Variants in ADGRL1 observed in about 807,000 individuals in gnomAD.
The protein encoded by ADGRL1 is adhesion G protein-coupled receptor L1.
A neutral mutation model predicts 148.9 loss-of-function variants in ADGRL1; 31 were observed. That is an observed-to-expected ratio of 0.21 (90% confidence interval 0.16 to 0.28). The LOEUF is 0.28. ADGRL1 is among the 10% of genes least tolerant of loss of function. The pLI, the probability that ADGRL1 is intolerant of heterozygous loss-of-function variation, is 1.00. For missense variants in ADGRL1, 1,521 were observed against 2,058.8 expected (o/e 0.74, Z 5.05); for synonymous variants, 937 against 900.3 (o/e 1.04, Z -0.73).
At chr19:14,168,433 C>T (rs183595218) in intron 4 of ADGRL1, among the ~76,000 whole-genome samples, 47 of 152,172 alleles carry the variant, frequency 3.1e-4, no homozygotes, top group Admixed American at 8.5e-4. Flanking sequence ...CACATGTCTG[C>T]GCGTGTGTGT....
rs1321704083 is a variant in ADGRL1, at chr19:14,163,302, C to T, written c.499G>A (p.Asp167Asn). Reference protein sequence around the residue: ...AWCKDPLQAGDRIYVMPWIPY... With the variant: ...AWCKDPLQAGNRIYVMPWIPY... The stretch of plus-strand genomic sequence containing the variant: ...ATCCAGGGCATCACGTAGATGCGGT[C>T]ACCCGCCTGCAGCGGGTCCTTGCAC... Residue 167 changes from aspartate (D) to asparagine (N), a missense_variant, in exon 5 of 23, where the codon GAC (aspartate) becomes AAC (asparagine). Asp to Asn is a conservative substitution (Grantham distance 23). Around this residue, in one of 8 missense-constraint regions of ADGRL1, gnomAD observed 334 missense variants for 512.5 expected, o/e 0.65. Transcript: ENST00000361434. 8 of 1,613,284 alleles carry T rather than the reference C, an allele frequency of 5.0e-6. No homozygotes were observed. The highest frequency in any genetic ancestry group is 6.8e-6 in the Non-Finnish European group (8 of 1,179,898).
intron 4 of ADGRL1, among the ~76,000 whole-genome samples, chr19:14,166,209 G>A (rs1047912373): frequency 6.6e-6 from 1 of 150,690 alleles, no homozygotes; most frequent in Admixed American, 6.6e-5. Context: ...CCCACCCTTC[G>A]CTCCCCCAAC....
intron 15 of ADGRL1, 58 bp from the exon 16 acceptor site, chr19:14,156,782 TCATGAAGGCC>T: frequency 6.4e-7 from 1 of 1,554,850 alleles, no homozygotes; most frequent in Non-Finnish European, 8.8e-7. Context: ...TCCCAGCGAC[TCATGAAGGCC>T]TAGGACTCTG....
rs1968923107 is a variant in ADGRL1 at position 14,157,789 on chromosome 19, C to A, written c.2535+93G>T. On this transcript the variant is annotated intron_variant, in intron 13 of 22. Coordinates refer to ENST00000361434, the MANE Select transcript of ADGRL1 (RefSeq NM_014921.5). The surrounding 1 kb of genome is among the most constrained non-coding windows in gnomAD (Gnocchi z 7.5). ...CCCCCCACACCCATGGGGCTAGCCT[C>A]CCCTGGTACTGCCCGTGATCTCTCT... 4 of 1,468,912 alleles carry A rather than the reference C, an allele frequency of 2.7e-6. No homozygotes were observed. Among genetic ancestry groups the A allele is most frequent in the Non-Finnish European group, 3.7e-6 (4 of 1,089,420 alleles). The allele number at this position is 1,468,912 out of a possible 1,614,324, so 91.0% of individuals were successfully genotyped here. A position where few individuals can be genotyped will look rare whatever the true frequency, so the allele number is the denominator to read the frequency against.
In ADGRL1 at chr19:14,152,927, ACAGTCAGCTGGCTGG is replaced by A; in HGVS notation, c.3295-30_3295-16del. The A allele has an allele frequency of 2.5e-6, 4 of 1,613,018 alleles. No individual in the cohort carries two copies. Among genetic ancestry groups the A allele is most frequent in the Non-Finnish European group, 3.4e-6 (4 of 1,179,576 alleles). On this transcript the variant is annotated splice_polypyrimidine_tract_variant and intron_variant, in intron 18 of 22. Coordinates refer to ENST00000361434, the MANE Select transcript of ADGRL1 (RefSeq NM_014921.5). The surrounding 1 kb of genome is among the most constrained non-coding windows in gnomAD (Gnocchi z 6.1). ...TCCTTGTGCACCTGGGAGGTGGAGG[ACAGTCAGCTGGCTGG>A]GACACTGGCCTCCTCTGTGATCCAG...
intron 1 of ADGRL1, among the ~76,000 whole-genome samples, chr19:14,201,729 T>C (rs1972626186): frequency 1.3e-5 from 2 of 152,152 alleles, no homozygotes; most frequent in Non-Finnish European, 1.5e-5. Flanking sequence ...GTAAGACTTC[T>C]TGAACGCACA....
intron 1 of ADGRL1, among the ~76,000 whole-genome samples, chr19:14,185,627 G>A (rs1331414675): frequency 2.6e-5 from 4 of 152,140 alleles, no homozygotes; most frequent in Non-Finnish European, 4.4e-5. Context: ...GCCCTGAAGC[G>A]TGGGAACCCC....
chr19:14,200,007 T>A (rs978824412), intron 1 of ADGRL1, among the ~76,000 whole-genome samples: 1 of 152,158 alleles, frequency 6.6e-6, no homozygotes, highest in Non-Finnish European at 1.5e-5. Flanking sequence ...GTGCTGGGAT[T>A]ACAGGCATGA....
In ADGRL1 at chr19:14,162,764, T is replaced by G. The variant is rs772817943; in HGVS notation, c.1037A>C (p.Asn346Thr). The G allele has an allele frequency of 2.5e-6, 4 of 1,613,944 alleles. No homozygotes were observed. Among genetic ancestry groups the G allele is most frequent in the Non-Finnish European group, 3.4e-6 (4 of 1,180,018 alleles). ...GCTGACAGGCTCCTCGCGGTTGGCA[T>G]TGGTGTTGAAGGCATAGTCCACGCG... ...GNRVDYAFNT[N>T]ANREEPVSLT... is the part of the protein sequence containing the mutation. Residue 346 changes from asparagine (N) to threonine (T), a missense_variant, in exon 5 of 23, where the codon AAT becomes ACT. Coordinates refer to ENST00000361434, the MANE Select transcript of ADGRL1 (RefSeq NM_014921.5). This position sits in a 1 kb window ranked among gnomAD's most constrained non-coding sequence, Gnocchi z 5.4.
intron 1 of ADGRL1, among the ~76,000 whole-genome samples, chr19:14,195,379 G>C (rs1396586572): frequency 3.3e-5 from 5 of 151,744 alleles, no homozygotes; most frequent in African/African-American, 1.2e-4. Context: ...GGCTGCTGGG[G>C]GAGAGGGGGC....
Position 14,151,536 on chromosome 19 carries a change from C to A in ADGRL1, c.3747G>T (p.Leu1249Phe), listed in dbSNP as rs774538452. Residue 1249 changes from leucine to phenylalanine, a missense_variant, in exon 23 of 23, where the codon TTG (leucine) becomes TTT (phenylalanine). This residue lies in a region of ADGRL1 where 390 missense variants were observed against 375.0 expected (regional missense o/e 1.04). Coordinates refer to ENST00000361434, the MANE Select transcript of ADGRL1 (RefSeq NM_014921.5). ...CCCCGGGAGGGAAATCCCCACTTCG[C>A]AAGGAGTAACTGTTATTGAAGTTGC... ...LNGNFNNSYSLRSGDFPPGDG... is the reference protein window; with the variant it reads ...LNGNFNNSYSFRSGDFPPGDG... 2 of 1,611,446 alleles carry A rather than the reference C, an allele frequency of 1.2e-6. No individual in the cohort carries two copies. Among genetic ancestry groups the A allele is most frequent in the East Asian group, 2.2e-5 (1 of 44,872 alleles).
Position 14,158,330 on chromosome 19 carries a change from C to T in ADGRL1, c.2364+8G>A, listed in dbSNP as rs896464805. ...CCCCCATGGAGGGAGGGGGACGGCTCAGCTCACCTCCAGGTGGGCCACGGT... is the reference window on the plus strand; with the variant it reads ...CCCCCATGGAGGGAGGGGGACGGCTTAGCTCACCTCCAGGTGGGCCACGGT... On this transcript the variant is annotated splice_region_variant and intron_variant, in intron 12 of 22. Transcript: ENST00000361434. 12 of 1,612,758 alleles carry T rather than the reference C, an allele frequency of 7.4e-6. No homozygotes were observed. Among genetic ancestry groups the T allele is most frequent in the Non-Finnish European group, 1.0e-5 (12 of 1,179,790 alleles).
chr19:14,188,771 C>T (rs1287928854), intron 1 of ADGRL1, among the ~76,000 whole-genome samples: 3 of 152,312 alleles, frequency 2.0e-5, no homozygotes, highest in African/African-American at 7.2e-5. Flanking sequence ...AGAGGCACCA[C>T]CTCCTTTTTT....
Position 14,157,293 on chromosome 19 carries a change from A to T in ADGRL1, c.2703T>A (p.Ala901=), listed in dbSNP as rs1233942663. The stretch of plus-strand genomic sequence containing the variant: ...CGATCCCGACCAGGAAGAGCAGCTC[A>T]GCCAGGAAGAGGTTGATGCACAGGT... ...HKNLCINLFL[A]ELLFLVGIDK... Residue 901 remains alanine, a synonymous_variant, in exon 14 of 23, where the codon GCT becomes GCA. Coordinates refer to ENST00000361434, the MANE Select transcript of ADGRL1 (RefSeq NM_014921.5). The surrounding 1 kb of genome is among the most constrained non-coding windows in gnomAD (Gnocchi z 7.5). 1 of 1,614,164 alleles carries T rather than the reference A, an allele frequency of 6.2e-7. No homozygotes were observed.
In ADGRL1 at chr19:14,148,354, TGATTGTCCGAGTCTGGAGA is replaced by T; in HGVS notation, c.*2500_*2518del. ...GGACCCGATACACCCTCTCTCCCTTTGATTGTCCGAGTCTGGAGAGATACAAGGAAGGCTGGGCAGGGAG... is the reference window on the plus strand; with the variant it reads ...GGACCCGATACACCCTCTCTCCCTTTGATACAAGGAAGGCTGGGCAGGGAG... On this transcript the variant is annotated 3_prime_UTR_variant, in exon 23 of 23. Transcript: ENST00000361434. 6.6e-6 allele frequency: 1 copy of T among 152,300 alleles called. No homozygotes were observed. The highest frequency in any genetic ancestry group is 1.9e-4 in the East Asian group (1 of 5,184). 9.4% of individuals were successfully genotyped at this position (152,300 alleles called of 1,614,324 possible). A position where few individuals can be genotyped will look rare whatever the true frequency, so the allele number is the denominator to read the frequency against.
intron 1 of ADGRL1, among the ~76,000 whole-genome samples, chr19:14,189,114 C>T (rs1348395504): frequency 6.6e-6 from 1 of 152,174 alleles, no homozygotes; most frequent in Non-Finnish European, 1.5e-5. Flanking sequence ...ATGCCCACTC[C>T]CCTTGTCGCC....
chr19:14,190,318 G>A (rs1332193203), intron 1 of ADGRL1, among the ~76,000 whole-genome samples: 4 of 152,204 alleles, frequency 2.6e-5, no homozygotes, highest in Non-Finnish European at 5.9e-5. Flanking sequence ...CCAGGCTGGA[G>A]TGCAGTGGCA....
chr19:14,152,015 GA>G lies in ADGRL1; in HGVS notation c.3667+117del. On this transcript the variant is annotated intron_variant, in intron 22 of 22. Transcript: ENST00000361434. This position sits in a 1 kb window ranked among gnomAD's most constrained non-coding sequence, Gnocchi z 6.1. Reference sequence around the variant, plus strand: ...CAGAGGCTGTGTGTCGGGGGGTGGGGAAATGTGGGCATGGGGAGGCATCCCG... The same window carrying G: ...CAGAGGCTGTGTGTCGGGGGGTGGGGAATGTGGGCATGGGGAGGCATCCCG... 1 of 924,846 alleles carries G rather than the reference GA, an allele frequency of 1.1e-6. No individual in the cohort carries two copies. The highest frequency in any genetic ancestry group is 2.5e-5 in the East Asian group (1 of 40,304). 57.3% of individuals were successfully genotyped at this position (924,846 alleles called of 1,614,324 possible).
At chr19:14,201,324 G>GA (rs565274033) in intron 1 of ADGRL1, among the ~76,000 whole-genome samples, 7 of 137,608 alleles carry the variant, frequency 5.1e-5, no homozygotes, top group Admixed American at 5.1e-4. Context: ...TGGCGGGGTG[G>GA]GGGGGGGCAA....
Sources: gnomAD v4.1 joint callset for allele counts (sites outside exome capture counted in the v4.1 genomes callset) on GRCh38, gnomAD v4.1.1 for gene constraint, gnomAD v4.1.1 regional missense constraint, Gnocchi (gnomAD v3.1) non-coding constraint, MANE v1.5 for transcripts, NCBI Gene and HGNC (gene_info 2026-07-23, HGNC 2026-07-21) for gene names.